Variants in FGF2 observed in about 807,000 individuals in gnomAD.
The protein encoded by FGF2 is fibroblast growth factor 2, also known as basic fibroblast growth factor bFGF.
A neutral mutation model predicts 15.9 loss-of-function variants in FGF2; 13 were observed. The observed-to-expected ratio is 0.82, with a 90% CI of 0.53 to 1.30. The LOEUF (loss-of-function observed/expected upper bound fraction) is 1.30, where lower values mean the gene tolerates loss of function less well. Ranked by LOEUF, FGF2 falls within the 50% of genes most tolerant of loss-of-function variation. FGF2 has a pLI of 0.00. For synonymous variants in FGF2, 90 were observed against 78.4 expected (o/e 1.15, Z -0.78); for missense variants, 163 against 196.9 (o/e 0.83, Z 1.03).
intron 1 of FGF2, among the ~76,000 whole-genome samples, chr4:122,843,707 G>T (rs536160002): frequency 6.6e-6 from 1 of 152,142 alleles, no homozygotes; most frequent in Non-Finnish European, 1.5e-5. Flanking sequence ...ACAATAAAGC[G>T]AGCCACATAA....
intron 1 of FGF2, among the ~76,000 whole-genome samples, chr4:122,863,168 C>G (rs1726507046): frequency 1.3e-5 from 2 of 152,192 alleles, no homozygotes; most frequent in South Asian, 2.1e-4. Flanking sequence ...GTTCTATGCC[C>G]TGTCTCTATC....
At chr4:122,876,184 C>G in intron 1 of FGF2, 137 bp from the exon 2 acceptor site, 1 of 703,454 alleles carries the variant, frequency 1.4e-6, no homozygotes, top group South Asian at 1.5e-5. Context: ...GTCACTCACC[C>G]ATACCCCCAA....
rs1386252829 is a variant in FGF2 at position 122,896,170 on chromosome 4, A to G, written c.*3774A>G. On this transcript the variant is annotated 3_prime_UTR_variant, in exon 3 of 3. Transcript: ENST00000644866. Reference sequence around the variant, plus strand: ...CTCTGGGTAGGTGAGTTGTTGTGACAACCACAAGCACTTTTTTTTTTTTTA... The same window carrying G: ...CTCTGGGTAGGTGAGTTGTTGTGACGACCACAAGCACTTTTTTTTTTTTTA... 1 of 149,710 alleles carries G rather than the reference A, an allele frequency of 6.7e-6. No homozygotes were observed. Among genetic ancestry groups the G allele is most frequent in the East Asian group, 2.0e-4 (1 of 4,932 alleles). 9.3% of individuals were successfully genotyped at this position (149,710 alleles called of 1,614,324 possible). A position where few individuals can be genotyped will look rare whatever the true frequency, so the allele number is the denominator to read the frequency against.
intron 1 of FGF2, among the ~76,000 whole-genome samples, chr4:122,854,410 C>A (rs559796729): frequency 2.0e-4 from 31 of 152,302 alleles, no homozygotes; most frequent in African/African-American, 7.5e-4. Flanking sequence ...ACCTCACAGG[C>A]TTTTAACAAC....
chr4:122,872,863 C>A (rs1370226547), intron 1 of FGF2, among the ~76,000 whole-genome samples: 1 of 152,164 alleles, frequency 6.6e-6, no homozygotes, highest in South Asian at 2.1e-4. Flanking sequence ...CTTACCGGAG[C>A]TCCTGAAAGG....
intron 1 of FGF2, among the ~76,000 whole-genome samples, chr4:122,830,816 CAAAAAAA>C (rs35597051): frequency 0.055 from 5,136 of 92,780 alleles, 169 homozygotes; most frequent in South Asian, 0.084. Flanking sequence ...CTCTTATTTA[CAAAAAAA>C]AAAAAAAAAA....
At chr4:122,863,742 A>G (rs1726518542) in intron 1 of FGF2, among the ~76,000 whole-genome samples, 1 of 152,162 alleles carries the variant, frequency 6.6e-6, no homozygotes, top group Admixed American at 6.5e-5. Flanking sequence ...TTAGAGATGT[A>G]TTGGAAGGAG....
At chr4:122,834,234 A>G (rs1362627576) in intron 1 of FGF2, among the ~76,000 whole-genome samples, 1 of 151,952 alleles carries the variant, frequency 6.6e-6, no homozygotes, top group Non-Finnish European at 1.5e-5. Context: ...GCTCCACCCC[A>G]TTCTCCCAGT....
intron 1 of FGF2, among the ~76,000 whole-genome samples, chr4:122,859,737 G>A (rs373185248): frequency 6.6e-6 from 1 of 152,130 alleles, no homozygotes; most frequent in African/African-American, 2.4e-5. Flanking sequence ...GTTACTTGGA[G>A]ATGAAGGCTG....
At position 122,874,095 on chromosome 4, in the gene FGF2, T is replaced by A. The variant is rs1726791336; in HGVS notation, c.179-2226T>A. ...TGATTGATAAGGGACAGAAAGAAAG[T>A]ATAGCGATTGATTATTCAGCCTTGC... On this transcript the variant is annotated intron_variant, in intron 1 of 2. Coordinates refer to ENST00000644866, the MANE Select transcript of FGF2 (RefSeq NM_001361665.2). Among the ~76,000 whole-genome samples, 4 of 152,172 alleles carry A rather than the reference T, an allele frequency of 2.6e-5. No individual in the cohort carries two copies. In the South Asian group the frequency reaches 8.3e-4, roughly 32 times the overall value.
At chr4:122,880,083 T>C (rs962607714) in intron 2 of FGF2, among the ~76,000 whole-genome samples, 2 of 152,126 alleles carry the variant, frequency 1.3e-5, no homozygotes, top group Non-Finnish European at 2.9e-5. Flanking sequence ...GCAAGTCCCT[T>C]CTGCCTATGA....
chr4:122,862,141 A>T (rs1726484312), intron 1 of FGF2, among the ~76,000 whole-genome samples: 5 of 152,224 alleles, frequency 3.3e-5, no homozygotes. Context: ...TTAGCACAGT[A>T]CCTGGCACAT....
intron 1 of FGF2, among the ~76,000 whole-genome samples, chr4:122,832,693 A>G (rs1725788248): frequency 6.6e-6 from 1 of 152,264 alleles, no homozygotes; most frequent in Admixed American, 6.5e-5. Context: ...CTCAATAAAT[A>G]GTTAATGCTT....
rs570198192 is a variant in FGF2, at chr4:122,861,274, T to C, written c.179-15047T>C. 9.8e-5 allele frequency among the ~76,000 whole-genome samples: 15 copies of C among 152,324 alleles called. No homozygotes were observed. In the East Asian group the frequency reaches 2.9e-3, roughly 29 times the overall value. On this transcript the variant is annotated intron_variant, in intron 1 of 2. Coordinates refer to ENST00000644866, the MANE Select transcript of FGF2 (RefSeq NM_001361665.2). ...CTTTATTTCTAATAGATTCCTTTTT[T>C]GAACTCTGGATTCATATAGCTGACT...
intron 2 of FGF2, among the ~76,000 whole-genome samples, chr4:122,885,221 T>G (rs567201220): frequency 6.6e-6 from 1 of 152,364 alleles, no homozygotes; most frequent in East Asian, 1.9e-4. Flanking sequence ...GTCATTGAAT[T>G]ATATTTTTAT....
At position 122,897,951 on chromosome 4, in the gene FGF2, A is replaced by G. The variant is rs987992426; in HGVS notation, c.*5555A>G. ...GTGATACATTCTGTATGAATGAAAC[A>G]TTGGAGGGAAACATCTACTGAATTT... On this transcript the variant is annotated 3_prime_UTR_variant, in exon 3 of 3. Coordinates refer to ENST00000644866, the MANE Select transcript of FGF2 (RefSeq NM_001361665.2). 4 of 329,212 alleles carry G rather than the reference A, an allele frequency of 1.2e-5. No individual in the cohort carries two copies. In the East Asian group the frequency reaches 1.6e-4, roughly 14 times the overall value. The allele number at this position is 329,212 out of a possible 1,614,324, so 20.4% of individuals were successfully genotyped here. A position where few individuals can be genotyped will look rare whatever the true frequency, so the allele number is the denominator to read the frequency against.
Position 122,827,701 on chromosome 4 carries a change from G to C in FGF2, c.178+349G>C, listed in dbSNP as rs959219115. Among the ~76,000 whole-genome samples the C allele has an allele frequency of 6.6e-6, 1 of 152,210 alleles. No homozygotes were observed. The highest frequency in any genetic ancestry group is 6.5e-5 in the Admixed American group (1 of 15,290). On this transcript the variant is annotated intron_variant, in intron 1 of 2. Transcript: ENST00000644866. The surrounding 1 kb of genome is among the most constrained non-coding windows in gnomAD (Gnocchi z 4.2). ...GCGGCCCCGCCATGCAGCTCTGGCC[G>C]CTTCTATCTGCTGCGTGCTGTCCCG... is the stretch of plus-strand genomic sequence containing the variant.
At chr4:122,829,822 G>A (rs1165678491) in intron 1 of FGF2, among the ~76,000 whole-genome samples, 1 of 152,116 alleles carries the variant, frequency 6.6e-6, no homozygotes, top group African/African-American at 2.4e-5. Flanking sequence ...CTATTTCTAT[G>A]TAGCCCAACC....
intron 1 of FGF2, among the ~76,000 whole-genome samples, chr4:122,852,283 A>G (rs1241193424): frequency 6.6e-6 from 1 of 152,202 alleles, no homozygotes; most frequent in African/African-American, 2.4e-5. Flanking sequence ...TACATGTCCA[A>G]TACCTTAGCA....
Sources: gnomAD v4.1 joint callset for allele counts (sites outside exome capture counted in the v4.1 genomes callset) on GRCh38, gnomAD v4.1.1 for gene constraint, Gnocchi (gnomAD v3.1) non-coding constraint, MANE v1.5 for transcripts, NCBI Gene and HGNC (gene_info 2026-07-23, HGNC 2026-07-21) for gene names.